Variants in KIF1B observed in about 807,000 individuals in gnomAD.
KIF1B encodes the protein kinesin family member 1B.
A neutral mutation model predicts 241.9 loss-of-function variants in KIF1B; 76 were observed. The ratio of observed to expected loss-of-function variants is 0.31; its 90% confidence interval spans 0.26 to 0.38. The LOEUF is 0.38. KIF1B is among the 10% of genes least tolerant of loss of function. The probability of loss-of-function intolerance (pLI) is 1.00; values close to 1 mark genes in which losing one functional copy is unlikely to be tolerated. For synonymous variants in KIF1B, 750 were observed against 796.7 expected, an observed-to-expected ratio of 0.94 and a Z score of 0.99; for missense variants, 1,622 against 2,271.4, an observed-to-expected ratio of 0.71 and a Z score of 5.81.
At chr1:10,336,081 C>T (rs569442464) in intron 28 of KIF1B, among the ~76,000 whole-genome samples, 9 of 152,338 alleles carry the variant, frequency 5.9e-5, no homozygotes, top group African/African-American at 2.2e-4. Context: ...GTATTATTGA[C>T]TATTATCTTG....
chr1:10,267,003 TTTTCTTTCTTTC>T (rs539886931), intron 5 of KIF1B, among the ~76,000 whole-genome samples: 8 of 151,422 alleles, frequency 5.3e-5, no homozygotes, highest in African/African-American at 2.0e-4. Context: ...TTTGTTTTCT[TTTTCTTTCTTTC>T]TTTCTTTCTT....
intron 1 of KIF1B, among the ~76,000 whole-genome samples, chr1:10,230,364 A>T (rs1489022844): frequency 3.3e-5 from 5 of 150,746 alleles, no homozygotes; most frequent in African/African-American, 1.2e-4. Flanking sequence ...TTGTTTGGTT[A>T]TTCTTGAAAA....
chr1:10,322,508 C>T (rs965150001), intron 24 of KIF1B, among the ~76,000 whole-genome samples: 1 of 152,218 alleles, frequency 6.6e-6, no homozygotes, highest in Non-Finnish European at 1.5e-5. Flanking sequence ...ATTACCAAAA[C>T]TTCACACCAA....
intron 23 of KIF1B, among the ~76,000 whole-genome samples, chr1:10,320,364 G>A (rs989305062): frequency 3.9e-5 from 6 of 151,984 alleles, no homozygotes; most frequent in African/African-American, 7.2e-5. Context: ...ACCTTCGCAC[G>A]GTTTCTGAGC....
At chr1:10,306,660 T>C (rs1650841490) in intron 22 of KIF1B, 1 of 701,734 alleles carries the variant, frequency 1.4e-6, no homozygotes, top group Non-Finnish European at 1.8e-6. Context: ...AGGTTGGAAA[T>C]GGAGCAGGCC....
chr1:10,306,055 C>T (rs1226024694), intron 22 of KIF1B: 2 of 1,047,088 alleles, frequency 1.9e-6, no homozygotes, highest in East Asian at 1.1e-4. Context: ...TGCGTGTGGG[C>T]ACTATGCTTT....
chr1:10,315,402 C>T (rs1651260901), intron 22 of KIF1B, among the ~76,000 whole-genome samples: 1 of 150,972 alleles, frequency 6.6e-6, no homozygotes, highest in Non-Finnish European at 1.5e-5. Context: ...TCTTGAACTC[C>T]TGACCTCAGG....
Position 10,348,537 on chromosome 1 carries a change from C to T in KIF1B, c.3865-112C>T, listed in dbSNP as rs985883268. On this transcript the variant is annotated intron_variant, in intron 36 of 48. Transcript: ENST00000676179. ...GTGGATAGCATTTTCCGTCTTTCCA[C>T]ACCTCTCCTTCCTGCTCATCCCCCA... The T allele has an allele frequency of 1.0e-5, 8 of 783,516 alleles. No individual in the cohort carries two copies. In the African/African-American group the frequency reaches 1.2e-4, roughly 12 times the overall value. 48.5% of individuals were successfully genotyped at this position (783,516 alleles called of 1,614,324 possible).
At chr1:10,350,562 A>G (rs190391366) in intron 37 of KIF1B, among the ~76,000 whole-genome samples, 1 of 152,298 alleles carries the variant, frequency 6.6e-6, no homozygotes, top group African/African-American at 2.4e-5. Flanking sequence ...CCATCTCAAA[A>G]AAATATATAA....
chr1:10,350,958 C>T (rs1200425178), intron 37 of KIF1B, among the ~76,000 whole-genome samples: 4 of 151,388 alleles, frequency 2.6e-5, no homozygotes, highest in Admixed American at 6.6e-5. Flanking sequence ...TGTGGTGGCT[C>T]ATGCCTATAG....
intron 15 of KIF1B, among the ~76,000 whole-genome samples, chr1:10,285,312 A>G (rs779704410): frequency 6.6e-6 from 1 of 152,214 alleles, no homozygotes. Context: ...CTTGATGTAA[A>G]GGAGAAATTT....
intron 43 of KIF1B, among the ~76,000 whole-genome samples, chr1:10,366,780 G>A (rs1638586837): frequency 6.6e-6 from 1 of 152,084 alleles, no homozygotes; most frequent in Non-Finnish European, 1.5e-5. Flanking sequence ...AGACCATCCT[G>A]GCCAACATGG....
At chr1:10,272,214 T>C in intron 8 of KIF1B, 27 bp from the exon 9 acceptor site, 1 of 1,293,284 alleles carries the variant, frequency 7.7e-7, no homozygotes, top group Non-Finnish European at 1.1e-6. Flanking sequence ...TTCTTCATCA[T>C]TCTTTCATAT....
At position 10,303,068 on chromosome 1, in the gene KIF1B, G is replaced by T. The variant is rs1650621359; in HGVS notation, c.2115+5822G>T. On this transcript the variant is annotated intron_variant, in intron 22 of 48. Coordinates refer to ENST00000676179, the MANE Select transcript of KIF1B (RefSeq NM_001365951.3). This position sits in a 1 kb window ranked among gnomAD's most constrained non-coding sequence, Gnocchi z 5.2. ...GGTCTTATTTTTAAATTTGGTTAAG[G>T]CTTTTTTGCTTGCTTTTTCTTCGAT... 1 of 1,437,954 alleles carries T rather than the reference G, an allele frequency of 7.0e-7. No homozygotes were observed. The highest frequency in any genetic ancestry group is 2.4e-5 in the East Asian group (1 of 41,758). 89.1% of individuals were successfully genotyped at this position (1,437,954 alleles called of 1,614,324 possible).
At chr1:10,363,148 C>T (rs766194213) in intron 40 of KIF1B, 135 bp from the exon 41 acceptor site, 11 of 660,650 alleles carry the variant, frequency 1.7e-5, no homozygotes, top group African/African-American at 1.8e-5. Flanking sequence ...AAGAAAAGAG[C>T]GGTGACAAAT....
At position 10,297,229 on chromosome 1, in the gene KIF1B, T is replaced by C. The variant is rs1427062943; in HGVS notation, c.2098T>C (p.Leu700=). 5.0e-6 allele frequency: 8 copies of C among 1,613,354 alleles called. No individual in the cohort carries two copies. The highest frequency in any genetic ancestry group is 3.3e-5 in the Admixed American group (2 of 59,984). ...KKEKEEADLL[L]EQQRLDYESK... ...GGAGAAGGAAGAAGCAGATCTTCTTTTGGAGCAGCAGAGACTGGTAGGAGT... is the reference window on the plus strand; with the variant it reads ...GGAGAAGGAAGAAGCAGATCTTCTTCTGGAGCAGCAGAGACTGGTAGGAGT... Residue 700 remains leucine (L), a synonymous_variant, in exon 22 of 49, where the codon TTG becomes CTG. Coordinates refer to ENST00000676179, the MANE Select transcript of KIF1B (RefSeq NM_001365951.3).
intron 33 of KIF1B, among the ~76,000 whole-genome samples, chr1:10,342,455 G>C (rs1043872446): frequency 1.3e-5 from 2 of 152,174 alleles, no homozygotes; most frequent in African/African-American, 4.8e-5. Flanking sequence ...CATGAAAATT[G>C]TTAAAAATTG....
intron 22 of KIF1B, among the ~76,000 whole-genome samples, chr1:10,316,665 TA>T (rs1243951659): frequency 2.6e-5 from 4 of 151,402 alleles, no homozygotes; most frequent in Admixed American, 2.6e-4. Context: ...CACACCTGGA[TA>T]ATTTTTGTAT....
rs202036355 is a variant in KIF1B, at chr1:10,295,633, C to T, written c.1671-27C>T. 10 of 1,600,494 alleles carry T rather than the reference C, an allele frequency of 6.2e-6. No individual in the cohort carries two copies. In the East Asian group the frequency reaches 1.3e-4, roughly 21 times the overall value. ...TAGTGCTTTCTGTGTCTGAATTTCCCTGGGAAACACTTTCTCTTGTGTTCA... is the reference window on the plus strand; with the variant it reads ...TAGTGCTTTCTGTGTCTGAATTTCCTTGGGAAACACTTTCTCTTGTGTTCA... On this transcript the variant is annotated intron_variant, in intron 18 of 48. Coordinates refer to ENST00000676179, the MANE Select transcript of KIF1B (RefSeq NM_001365951.3).
Sources: allele counts gnomAD v4.1 joint callset (sites outside exome capture counted in the v4.1 genomes callset), GRCh38; gene constraint gnomAD v4.1.1; non-coding constraint Gnocchi (gnomAD v3.1); transcripts MANE v1.5; gene names NCBI Gene and HGNC (gene_info 2026-07-23, HGNC 2026-07-21).